The following EDC4 variants were observed in gnomAD, a reference collection of about 807,000 sequenced individuals.
The protein encoded by EDC4 is enhancer of mRNA decapping 4.
A neutral mutation model predicts 155.8 loss-of-function variants in EDC4; 64 were observed. The ratio of observed to expected loss-of-function variants is 0.41; its 90% CI spans 0.34 to 0.51. The LOEUF (loss-of-function observed/expected upper bound fraction) is 0.51, where lower values mean the gene tolerates loss of function less well. Ranked by LOEUF, EDC4 falls within the 20% of genes least tolerant of loss-of-function variation. The pLI is 0.19. For missense variants in EDC4, 1,303 were observed against 1,812.5 expected, an observed-to-expected ratio of 0.72 and a Z score of 5.10; for synonymous variants, 684 against 716.8, an observed-to-expected ratio of 0.95 and a Z score of 0.73.
Position 67,879,393 on chromosome 16 carries a change from C to G in EDC4, c.1542-19C>G, listed in dbSNP as rs541533561. 6.2e-7 allele frequency: 1 copy of G among 1,614,210 alleles called. No homozygotes were observed. The highest frequency in any genetic ancestry group is 1.1e-5 in the South Asian group (1 of 91,088). On this transcript the variant is annotated intron_variant, in intron 13 of 28. Coordinates refer to ENST00000358933, the MANE Select transcript of EDC4 (RefSeq NM_014329.5). This position sits in a 1 kb window ranked among gnomAD's most constrained non-coding sequence, Gnocchi z 6.0. ...CCTTGCCCTTGGAGCACTTTATTCTCCCCCTTCTTTTCCTGCAGGGCACTG... is the reference window on the plus strand; with the variant it reads ...CCTTGCCCTTGGAGCACTTTATTCTGCCCCTTCTTTTCCTGCAGGGCACTG...
Position 67,883,753 on chromosome 16 carries a change from T to C in EDC4, c.4013+22T>C. ...TCAGGTAAGTGGGGACAGCCAGGGATGGGGAGATGAGCTGGGGAGTGGGGC... is the reference window on the plus strand; with the variant it reads ...TCAGGTAAGTGGGGACAGCCAGGGACGGGGAGATGAGCTGGGGAGTGGGGC... On this transcript the variant is annotated intron_variant, in intron 28 of 28. Transcript: ENST00000358933. This position sits in a 1 kb window ranked among gnomAD's most constrained non-coding sequence, Gnocchi z 5.3. 1.2e-6 allele frequency: 2 copies of C among 1,612,826 alleles called. No individual in the cohort carries two copies. The highest frequency in any genetic ancestry group is 1.1e-5 in the South Asian group (1 of 91,064).
chr16:67,875,634 C>T, intron 1 of EDC4: 1 of 803,926 alleles, frequency 1.2e-6, no homozygotes, highest in Non-Finnish European at 1.6e-6. Context: ...CTTTCCTGAC[C>T]CCTCCTATGC....
chr16:67,882,661 C>G lies in EDC4; in HGVS notation c.3443-18C>G. On this transcript the variant is annotated intron_variant, in intron 25 of 28. Coordinates refer to ENST00000358933, the MANE Select transcript of EDC4 (RefSeq NM_014329.5). The surrounding 1 kb of genome is among the most constrained non-coding windows in gnomAD (Gnocchi z 7.2). Reference sequence around the variant, plus strand: ...CTTTCCTACTGTTCCTCTTATAGTCCCTGTGGTCACCCCTCAGACTTGCAG... The same window carrying G: ...CTTTCCTACTGTTCCTCTTATAGTCGCTGTGGTCACCCCTCAGACTTGCAG... 6.2e-7 allele frequency: 1 copy of G among 1,614,178 alleles called. No individual in the cohort carries two copies. Among genetic ancestry groups the G allele is most frequent in the Non-Finnish European group, 8.5e-7 (1 of 1,180,034 alleles).
In EDC4 at chr16:67,877,973, G is replaced by C. The variant is rs1305924820; in HGVS notation, c.894+128G>C. 6.7e-7 allele frequency: 1 copy of C among 1,500,798 alleles called. No homozygotes were observed. The highest frequency in any genetic ancestry group is 2.0e-5 in the Admixed American group (1 of 49,578). 93.0% of individuals were successfully genotyped at this position (1,500,798 alleles called of 1,614,324 possible). On this transcript the variant is annotated intron_variant, in intron 7 of 28. Coordinates refer to ENST00000358933, the MANE Select transcript of EDC4 (RefSeq NM_014329.5). The surrounding 1 kb of genome is among the most constrained non-coding windows in gnomAD (Gnocchi z 4.9). ...CCCGTGGGGACTCTGAGCTCAAATT[G>C]GCCCTCACCTGTGCAGCTTTCTCCT...
In EDC4 at chr16:67,878,893, G is replaced by A; in HGVS notation, c.1287+54G>A. ...AGTTGGGATTATAGAGGAAGGCCGG[G>A]GGGCAGGTGGCGCATCACAGCCCTT... On this transcript the variant is annotated intron_variant, in intron 11 of 28. Coordinates refer to ENST00000358933, the MANE Select transcript of EDC4 (RefSeq NM_014329.5). This position sits in a 1 kb window ranked among gnomAD's most constrained non-coding sequence, Gnocchi z 5.2. 6.2e-7 allele frequency: 1 copy of A among 1,611,122 alleles called. No individual in the cohort carries two copies. The highest frequency in any genetic ancestry group is 1.1e-5 in the South Asian group (1 of 91,088).
At chr16:67,873,596 G>C (rs780881062) in intron 1 of EDC4, 1 of 396,630 alleles carries the variant, frequency 2.5e-6, no homozygotes, top group Non-Finnish European at 4.5e-6. Flanking sequence ...CTCTGAATCC[G>C]CTGGGGCCCT....
rs1485138734 is a variant in EDC4 at position 67,880,157 on chromosome 16, C to T, written c.2038C>T (p.Leu680Phe). 1 of 1,612,806 alleles carries T rather than the reference C, an allele frequency of 6.2e-7. No individual in the cohort carries two copies. The highest frequency in any genetic ancestry group is 1.1e-5 in the South Asian group (1 of 91,002). The change falls in exon 17 of 29, where the codon CTC (leucine) becomes TTC (phenylalanine). Residue 680 changes from leucine to phenylalanine, a missense_variant. This residue lies in a region of EDC4 where 391 missense variants were observed against 445.4 expected (regional missense o/e 0.88). Coordinates refer to ENST00000358933, the MANE Select transcript of EDC4 (RefSeq NM_014329.5). The surrounding 1 kb of genome is among the most constrained non-coding windows in gnomAD (Gnocchi z 5.2). ...CAGCCTTCAGGCAAGCCCGCGTGGC[C>T]TCCTGCCTGGCCTGCTCCCAGCCCC... ...SGSLQASPRG[L>F]LPGLLPAPAD...
chr16:67,879,126 G>A lies in EDC4; in HGVS notation c.1457G>A (p.Ser486Asn). 1.2e-6 allele frequency: 2 copies of A among 1,613,888 alleles called. No homozygotes were observed. The highest frequency in any genetic ancestry group is 2.2e-5 in the South Asian group (2 of 91,086). The part of the protein sequence containing the change: ...EVLPAEEEND[S>N]LGADGTHGAG... Reference sequence around the variant, plus strand: ...CTGCCTGCCGAAGAGGAAAATGACAGCCTGGGTGCTGGTGAGCTGCCTCAG... The same window carrying A: ...CTGCCTGCCGAAGAGGAAAATGACAACCTGGGTGCTGGTGAGCTGCCTCAG... Residue 486 changes from serine (S) to asparagine (N), a missense_variant, in exon 12 of 29, where the codon AGC (serine) becomes AAC (asparagine). Physicochemically the swap from Ser to Asn is conservative, Grantham distance 46. Transcript: ENST00000358933. The surrounding 1 kb of genome is among the most constrained non-coding windows in gnomAD (Gnocchi z 6.0).
In EDC4 at chr16:67,882,353, G is replaced by A. The variant is rs1567391887; in HGVS notation, c.3276+26G>A. The A allele has an allele frequency of 6.2e-7, 1 of 1,613,702 alleles. No individual in the cohort carries two copies. The highest frequency in any genetic ancestry group is 1.3e-5 in the African/African-American group (1 of 75,040). On this transcript the variant is annotated intron_variant, in intron 24 of 28. Transcript: ENST00000358933. The surrounding 1 kb of genome is among the most constrained non-coding windows in gnomAD (Gnocchi z 7.2). Reference sequence around the variant, plus strand: ...GTGCTATAGGGCCCAAGATGTGGGTGGAGGTGGTGGTTCCTGGGCCTAGTC... The same window carrying A: ...GTGCTATAGGGCCCAAGATGTGGGTAGAGGTGGTGGTTCCTGGGCCTAGTC...
chr16:67,881,478 T>C lies in EDC4; in HGVS notation c.2790-19T>C. On this transcript the variant is annotated intron_variant, in intron 20 of 28. Transcript: ENST00000358933. This position sits in a 1 kb window ranked among gnomAD's most constrained non-coding sequence, Gnocchi z 5.4. ...CTAGGCTGCCTCACATAGCCTGAGGTGCTTCTCGCCTATGGCAGGGATGCA... is the reference window on the plus strand; with the variant it reads ...CTAGGCTGCCTCACATAGCCTGAGGCGCTTCTCGCCTATGGCAGGGATGCA... 1.2e-6 allele frequency: 2 copies of C among 1,614,052 alleles called. No individual in the cohort carries two copies. The highest frequency in any genetic ancestry group is 1.7e-6 in the Non-Finnish European group (2 of 1,179,998).
In EDC4 at chr16:67,877,893, T is replaced by C; in HGVS notation, c.894+48T>C. 1.9e-6 allele frequency: 3 copies of C among 1,608,614 alleles called. No homozygotes were observed. The highest frequency in any genetic ancestry group is 2.5e-6 in the Non-Finnish European group (3 of 1,177,638). On this transcript the variant is annotated intron_variant, in intron 7 of 28. Coordinates refer to ENST00000358933, the MANE Select transcript of EDC4 (RefSeq NM_014329.5). This position sits in a 1 kb window ranked among gnomAD's most constrained non-coding sequence, Gnocchi z 4.9. ...CCCCTGCCCTCCCCACTTCCTCATA[T>C]CCATCTTCTGTTCCCTATATCCACA... is the stretch of plus-strand genomic sequence containing the variant.
At position 67,880,357 on chromosome 16, in the gene EDC4, C is replaced by G; in HGVS notation, c.2097+141C>G. The G allele has an allele frequency of 2.9e-6, 4 of 1,398,994 alleles. No individual in the cohort carries two copies. The Admixed American group carries it at 9.4e-5, about 33-fold the overall frequency. 86.7% of individuals were successfully genotyped at this position (1,398,994 alleles called of 1,614,324 possible). A position where few individuals can be genotyped will look rare whatever the true frequency, so the allele number is the denominator to read the frequency against. On this transcript the variant is annotated intron_variant, in intron 17 of 28. Coordinates refer to ENST00000358933, the MANE Select transcript of EDC4 (RefSeq NM_014329.5). The surrounding 1 kb of genome is among the most constrained non-coding windows in gnomAD (Gnocchi z 5.2). ...CGTGTTTCCCTGAGGTCATTTCACC[C>G]TCCTGTGTTTCCTGGTGGGTGTCTC...
chr16:67,876,335 A>G lies in EDC4; in HGVS notation c.240-153A>G. The G allele has an allele frequency of 7.6e-7, 1 of 1,314,658 alleles. No homozygotes were observed. The highest frequency in any genetic ancestry group is 2.8e-4 in the Middle Eastern group (1 of 3,634). The allele number at this position is 1,314,658 out of a possible 1,614,324, so 81.4% of individuals were successfully genotyped here. A position where few individuals can be genotyped will look rare whatever the true frequency, so the allele number is the denominator to read the frequency against. On this transcript the variant is annotated intron_variant, in intron 2 of 28. Coordinates refer to ENST00000358933, the MANE Select transcript of EDC4 (RefSeq NM_014329.5). The surrounding 1 kb of genome is among the most constrained non-coding windows in gnomAD (Gnocchi z 5.8). ...TCATTCCCAAGGAAGGAGATGAGCA[A>G]GCAGAGCTGTGGGTCTGGGGCCAGT...
At chr16:67,873,961 A>G (rs2058031951) in intron 1 of EDC4, among the ~76,000 whole-genome samples, 1 of 152,184 alleles carries the variant, frequency 6.6e-6, no homozygotes, top group African/African-American at 2.4e-5. Flanking sequence ...TTTGGCTCTT[A>G]ATGATACCTC....
chr16:67,881,906 G>A lies in EDC4; in HGVS notation c.3005-48G>A, dbSNP rs890817932. 1.9e-6 allele frequency: 3 copies of A among 1,602,934 alleles called. No homozygotes were observed. Among genetic ancestry groups the A allele is most frequent in the Admixed American group, 1.7e-5 (1 of 59,576 alleles). ...GACGGGGGCAGCATTCTTGGCCTGG[G>A]AAGGAGTACACGACCTGCTCCAGGC... On this transcript the variant is annotated intron_variant, in intron 22 of 28. Coordinates refer to ENST00000358933, the MANE Select transcript of EDC4 (RefSeq NM_014329.5). The surrounding 1 kb of genome is among the most constrained non-coding windows in gnomAD (Gnocchi z 5.4).
Position 67,879,595 on chromosome 16 carries a change from G to A in EDC4, c.1642G>A (p.Glu548Lys). The change falls in exon 15 of 29, where the codon GAG (glutamate) becomes AAG (lysine). Residue 548 changes from glutamate (E) to lysine (K), a missense_variant. Glu to Lys is a moderately conservative substitution (Grantham distance 56). Transcript: ENST00000358933. The surrounding 1 kb of genome is among the most constrained non-coding windows in gnomAD (Gnocchi z 6.0). ...HTAHEDFTFG[E>K]SRPELGSEGL... ...GGCAACTTGCCCTGCAGCATTTGGA[G>A]AGTCTCGGCCCGAACTGGGCTCTGA... 6.2e-7 allele frequency: 1 copy of A among 1,613,986 alleles called. No individual in the cohort carries two copies. The highest frequency in any genetic ancestry group is 8.5e-7 in the Non-Finnish European group (1 of 1,179,898).
chr16:67,879,273 C>T lies in EDC4; in HGVS notation c.1505C>T (p.Ala502Val), dbSNP rs1240298344. The T allele has an allele frequency of 1.9e-6, 3 of 1,614,082 alleles. No individual in the cohort carries two copies. Among genetic ancestry groups the T allele is most frequent in the Non-Finnish European group, 2.5e-6 (3 of 1,180,032 alleles). Residue 502 changes from alanine to valine, a missense_variant, in exon 13 of 29, where the codon GCC becomes GTC. Around this residue, in one of 5 missense-constraint regions of EDC4, gnomAD observed 391 missense variants for 445.4 expected, o/e 0.88. Transcript: ENST00000358933. This position sits in a 1 kb window ranked among gnomAD's most constrained non-coding sequence, Gnocchi z 6.0. ...THGAGAMESA[A>V]GVLIKLFCVH... is the part of the protein sequence containing the mutation. ...GGAGCCGGTGCCATGGAGTCTGCGG[C>T]CGGTGTGCTCATCAAGCTCTTTTGT...
Position 67,881,161 on chromosome 16 carries a change from G to C in EDC4, c.2617G>C (p.Asp873His), listed in dbSNP as rs752360981. 4.3e-6 allele frequency: 7 copies of C among 1,614,116 alleles called. No homozygotes were observed. The South Asian group carries it at 7.7e-5, about 18-fold the overall frequency. The stretch of plus-strand genomic sequence containing the variant: ...CCTGCTGCAGCAACGTGACAGCCAG[G>C]ATGCCAGTGCTGAGCAAAGGTGGGA... ...YHLLQQRDSQ[D>H]ASAEQSDHDD... Residue 873 changes from aspartate (D) to histidine (H), a missense_variant, in exon 19 of 29, where the codon GAT (aspartate) becomes CAT (histidine). By Grantham distance (81) the Asp-to-His change is moderately conservative. Transcript: ENST00000358933. The surrounding 1 kb of genome is among the most constrained non-coding windows in gnomAD (Gnocchi z 5.4).
chr16:67,878,029 C>G lies in EDC4; in HGVS notation c.895-137C>G. On this transcript the variant is annotated intron_variant, in intron 7 of 28. Transcript: ENST00000358933. This position sits in a 1 kb window ranked among gnomAD's most constrained non-coding sequence, Gnocchi z 5.2. ...AGCAGCACCCTGCAGGTCTGGCCTT[C>G]TCTAGGAACCCTGTTCATTTAGTCA... 2 of 1,499,822 alleles carry G rather than the reference C, an allele frequency of 1.3e-6. No homozygotes were observed. Among genetic ancestry groups the G allele is most frequent in the Non-Finnish European group, 1.8e-6 (2 of 1,116,926 alleles). 92.9% of individuals were successfully genotyped at this position (1,499,822 alleles called of 1,614,324 possible).
Sources: gnomAD v4.1 joint callset for allele counts (sites outside exome capture counted in the v4.1 genomes callset) on GRCh38, gnomAD v4.1.1 for gene constraint, gnomAD v4.1.1 regional missense constraint, Gnocchi (gnomAD v3.1) non-coding constraint, MANE v1.5 for transcripts, NCBI Gene and HGNC (gene_info 2026-07-23, HGNC 2026-07-21) for gene names.